Variants in CAPZB observed in about 807,000 individuals in gnomAD.
The protein encoded by CAPZB is F-actin-capping protein subunit beta.
In CAPZB, 2 loss-of-function variants were observed where a neutral mutation model predicts 38.1. That is an observed-to-expected ratio of 0.05 (90% CI 0.02 to 0.17). The LOEUF (loss-of-function observed/expected upper bound fraction) is 0.17, where lower values mean the gene tolerates loss of function less well. Ranked by LOEUF, CAPZB falls within the 10% of genes least tolerant of loss-of-function variation. The probability of loss-of-function intolerance (pLI) is 1.00; values close to 1 mark genes in which losing one functional copy is unlikely to be tolerated. For missense variants in CAPZB, 161 were observed against 334.2 expected (o/e 0.48, Z 4.04); for synonymous variants, 107 against 127.4 (o/e 0.84, Z 1.08).
chr1:19,430,418 C>A (rs181464840), intron 1 of CAPZB, among the ~76,000 whole-genome samples: 7 of 152,266 alleles, frequency 4.6e-5, no homozygotes, highest in Non-Finnish European at 5.9e-5. Context: ...TCACTGTTTA[C>A]ACTCCAAAAC....
At chr1:19,405,289 T>C (rs904065528) in intron 2 of CAPZB, among the ~76,000 whole-genome samples, 3 of 152,128 alleles carry the variant, frequency 2.0e-5, no homozygotes, top group African/African-American at 7.2e-5. Context: ...GTGAGCATCA[T>C]GGCATCCCGC....
At chr1:19,391,587 T>C (rs777735345) in intron 2 of CAPZB, among the ~76,000 whole-genome samples, 2 of 152,216 alleles carry the variant, frequency 1.3e-5, no homozygotes, top group Non-Finnish European at 2.9e-5. Flanking sequence ...TAAAAGAGCA[T>C]TTCAAGTGGC....
chr1:19,447,821 G>A (rs1031417261), intron 1 of CAPZB, among the ~76,000 whole-genome samples: 3 of 152,180 alleles, frequency 2.0e-5, no homozygotes, highest in African/African-American at 7.2e-5. Context: ...CCAGAATGCT[G>A]GGCCTCTCTG....
chr1:19,392,105 T>A (rs2094239010), intron 2 of CAPZB, among the ~76,000 whole-genome samples: 1 of 151,368 alleles, frequency 6.6e-6, no homozygotes, highest in Non-Finnish European at 1.5e-5. Flanking sequence ...ATCACTTGAA[T>A]CTGGGAGATA....
intron 6 of CAPZB, among the ~76,000 whole-genome samples, chr1:19,355,319 TC>T (rs2094014526): frequency 6.6e-6 from 1 of 151,732 alleles, no homozygotes. Context: ...CATGGTGAAA[TC>T]CCATCTCTAC....
intron 8 of CAPZB, among the ~76,000 whole-genome samples, chr1:19,343,632 C>T (rs2093944760): frequency 6.6e-6 from 1 of 152,256 alleles, no homozygotes; most frequent in Non-Finnish European, 1.5e-5. Flanking sequence ...ACTCCAAGGC[C>T]AGTGCTCCCT....
intron 1 of CAPZB, among the ~76,000 whole-genome samples, chr1:19,455,230 C>G (rs34746930): frequency 0.12 from 19,027 of 152,228 alleles, 1,296 homozygotes; most frequent in Admixed American, 0.19. Context: ...TATGAAAGGC[C>G]TGGCTGTGCT....
chr1:19,408,621 G>T (rs2094343932), intron 2 of CAPZB, among the ~76,000 whole-genome samples: 1 of 152,244 alleles, frequency 6.6e-6, no homozygotes, highest in Non-Finnish European at 1.5e-5. Context: ...GAGCCTGAAA[G>T]TGGTGACATC....
intron 6 of CAPZB, among the ~76,000 whole-genome samples, chr1:19,355,452 A>G (rs551224699): frequency 4.0e-5 from 6 of 150,436 alleles, no homozygotes; most frequent in African/African-American, 9.7e-5. Context: ...CCGAGATCAC[A>G]CCACTGTACT....
chr1:19,421,015 T>C (rs2094399231), intron 1 of CAPZB, among the ~76,000 whole-genome samples: 1 of 152,130 alleles, frequency 6.6e-6, no homozygotes, highest in Non-Finnish European at 1.5e-5. Context: ...TGAAGACCTG[T>C]GTATGCAACT....
intron 1 of CAPZB, among the ~76,000 whole-genome samples, chr1:19,435,573 T>C (rs1304784571): frequency 6.6e-6 from 1 of 152,248 alleles, no homozygotes; most frequent in African/African-American, 2.4e-5. Flanking sequence ...ACAGCTATAA[T>C]AGTAATAGCT....
In CAPZB at chr1:19,459,022, G is replaced by A. The variant is rs576140658; in HGVS notation, c.3+26414C>T. On this transcript the variant is annotated intron_variant, in intron 1 of 8. Transcript: ENST00000264202. The stretch of plus-strand genomic sequence containing the variant: ...AGGCAAAGTCTGTTGGCAGGAGACC[G>A]TTGGCAGGAAGGTGTGGTAGGGAAA... Among the ~76,000 whole-genome samples, 43 of 152,346 alleles carry A rather than the reference G, an allele frequency of 2.8e-4. No individual in the cohort carries two copies. In the South Asian group the frequency reaches 5.0e-3, roughly 18 times the overall value.
chr1:19,453,721 C>T (rs912762817), intron 1 of CAPZB, among the ~76,000 whole-genome samples: 1 of 152,220 alleles, frequency 6.6e-6, no homozygotes, highest in Non-Finnish European at 1.5e-5. Context: ...GTTTGTATCA[C>T]AATCACAATC....
intron 1 of CAPZB, among the ~76,000 whole-genome samples, chr1:19,474,413 C>T (rs2100791589): frequency 6.6e-6 from 1 of 152,326 alleles, no homozygotes; most frequent in South Asian, 2.1e-4. Flanking sequence ...CAAGCCCGCA[C>T]AGTTCATAAG....
At chr1:19,448,336 C>A (rs1053052472) in intron 1 of CAPZB, among the ~76,000 whole-genome samples, 2 of 152,210 alleles carry the variant, frequency 1.3e-5, no homozygotes, top group Non-Finnish European at 2.9e-5. Flanking sequence ...CTCCCTTCCA[C>A]CCTTTCGGGA....
At chr1:19,440,837 G>A (rs1253264077) in intron 1 of CAPZB, among the ~76,000 whole-genome samples, 1 of 152,226 alleles carries the variant, frequency 6.6e-6, no homozygotes, top group Non-Finnish European at 1.5e-5. Flanking sequence ...GAGGAGGGCA[G>A]ATCACAAAGT....
chr1:19,423,947 G>A (rs908164083), intron 1 of CAPZB, among the ~76,000 whole-genome samples: 1 of 152,076 alleles, frequency 6.6e-6, no homozygotes, highest in Non-Finnish European at 1.5e-5. Context: ...AAAGTGCTGG[G>A]ATTACAGGCA....
intron 4 of CAPZB, among the ~76,000 whole-genome samples, chr1:19,363,520 A>C (rs2094065862): frequency 6.6e-6 from 1 of 152,216 alleles, no homozygotes; most frequent in East Asian, 1.9e-4. Flanking sequence ...CTATGTCCGT[A>C]ACTTTTCAAC....
intron 1 of CAPZB, among the ~76,000 whole-genome samples, chr1:19,440,940 G>A (rs1338997526): frequency 5.3e-5 from 8 of 152,000 alleles, no homozygotes; most frequent in African/African-American, 1.9e-4. Flanking sequence ...GGTGCCTGTG[G>A]TCCCAGCTAC....
Sources: allele counts gnomAD v4.1 joint callset (sites outside exome capture counted in the v4.1 genomes callset), GRCh38; gene constraint gnomAD v4.1.1; transcripts MANE v1.5; gene names NCBI Gene and HGNC (gene_info 2026-07-23, HGNC 2026-07-21).